Variants in TAFA2 observed in about 807,000 individuals in gnomAD.
TAFA2 encodes TAFA chemokine like family member 2, also known as chemokine-like protein TAFA-2.
Under a neutral mutation model 18.8 loss-of-function variants are expected in TAFA2, and 7 were observed. That is an observed-to-expected ratio of 0.37 (90% CI 0.21 to 0.70). TAFA2 has a LOEUF of 0.70. TAFA2 is among the 30% of genes least tolerant of loss of function. TAFA2 has a pLI of 0.53. For missense variants in TAFA2, 122 were observed against 158.1 expected, an observed-to-expected ratio of 0.77 and a Z score of 1.23; for synonymous variants, 60 against 54.2, an observed-to-expected ratio of 1.11 and a Z score of -0.47.
chr12:61,912,591 G>A (rs184584397), intron 1 of TAFA2, among the ~76,000 whole-genome samples: 28 of 152,082 alleles, frequency 1.8e-4, no homozygotes, highest in Non-Finnish European at 4.0e-4. Context: ...ATATTCATGA[G>A]AGAGAAGAAA....
intron 2 of TAFA2, among the ~76,000 whole-genome samples, chr12:61,819,603 C>G (rs1366960374): frequency 6.6e-6 from 1 of 152,066 alleles, no homozygotes; most frequent in Non-Finnish European, 1.5e-5. Context: ...TCCTCAGATT[C>G]TATATTATCT....
At chr12:61,868,924 A>C (rs879825007) in intron 1 of TAFA2, among the ~76,000 whole-genome samples, 2 of 152,100 alleles carry the variant, frequency 1.3e-5, no homozygotes, top group Admixed American at 6.6e-5. Context: ...TTCCTCTGCA[A>C]ATTTCTGGAT....
intron 1 of TAFA2, among the ~76,000 whole-genome samples, chr12:62,236,398 G>A (rs1565785744): frequency 6.6e-6 from 1 of 151,712 alleles, no homozygotes; most frequent in Non-Finnish European, 1.5e-5. Flanking sequence ...CCCAGTAGCT[G>A]GGACTACAGG....
intron 1 of TAFA2, among the ~76,000 whole-genome samples, chr12:62,078,557 C>T (rs1354942420): frequency 6.6e-6 from 1 of 152,160 alleles, no homozygotes; most frequent in East Asian, 1.9e-4. Context: ...TTTAACAGGC[C>T]AATGAGACAT....
intron 1 of TAFA2, among the ~76,000 whole-genome samples, chr12:62,120,099 A>G (rs1870128021): frequency 6.6e-6 from 1 of 152,088 alleles, no homozygotes. Flanking sequence ...AAAGTGTTTA[A>G]TTTCCAAACC....
At chr12:61,836,220 C>T (rs1872913371) in intron 2 of TAFA2, among the ~76,000 whole-genome samples, 1 of 151,794 alleles carries the variant, frequency 6.6e-6, no homozygotes, top group South Asian at 2.1e-4. Flanking sequence ...AAAACTGATG[C>T]TATTTGAATG....
chr12:62,214,663 G>A (rs1213421976), intron 1 of TAFA2, among the ~76,000 whole-genome samples: 1 of 152,106 alleles, frequency 6.6e-6, no homozygotes, highest in Admixed American at 6.5e-5. Flanking sequence ...TATGACTGGT[G>A]CCCTTGTGCC....
intron 2 of TAFA2, among the ~76,000 whole-genome samples, chr12:61,814,327 C>T (rs74095466): frequency 2.0e-5 from 3 of 151,254 alleles, no homozygotes; most frequent in African/African-American, 4.9e-5. Context: ...TGGGGCAAGA[C>T]GAAGTTGTGG....
At chr12:62,031,422 G>A (rs1360408614) in intron 1 of TAFA2, among the ~76,000 whole-genome samples, 1 of 152,026 alleles carries the variant, frequency 6.6e-6, no homozygotes, top group African/African-American at 2.4e-5. Context: ...TTGCTCCTCA[G>A]CCTGCAGACG....
At chr12:62,045,168 T>A (rs1055408464) in intron 1 of TAFA2, among the ~76,000 whole-genome samples, 1 of 152,186 alleles carries the variant, frequency 6.6e-6, no homozygotes, top group African/African-American at 2.4e-5. Flanking sequence ...TAAATAAGAA[T>A]GTACTTCCAA....
At chr12:61,776,554 G>A (rs992275276) in intron 2 of TAFA2, among the ~76,000 whole-genome samples, 1 of 151,842 alleles carries the variant, frequency 6.6e-6, no homozygotes, top group African/African-American at 2.4e-5. Context: ...AGACAGGCAT[G>A]AGAATGGGGA....
At chr12:61,932,586 CCCCCCT>C (rs894352600) in intron 1 of TAFA2, among the ~76,000 whole-genome samples, 2 of 151,946 alleles carry the variant, frequency 1.3e-5, no homozygotes, top group Non-Finnish European at 2.9e-5. Flanking sequence ...ATTACAGGCA[CCCCCCT>C]CCACCACGCC....
intron 4 of TAFA2, among the ~76,000 whole-genome samples, chr12:61,751,216 A>G (rs1868998516): frequency 6.6e-6 from 1 of 152,024 alleles, no homozygotes; most frequent in African/African-American, 2.4e-5. Context: ...GAGATGGCTG[A>G]GCAATAATAG....
At chr12:61,744,641 A>G (rs1395401304) in intron 4 of TAFA2, among the ~76,000 whole-genome samples, 1 of 151,950 alleles carries the variant, frequency 6.6e-6, no homozygotes, top group African/African-American at 2.4e-5. Flanking sequence ...TGCAGCCTCA[A>G]CCTCCTAGGA....
At chr12:61,884,186 G>C (rs193282829) in intron 1 of TAFA2, among the ~76,000 whole-genome samples, 1 of 152,234 alleles carries the variant, frequency 6.6e-6, no homozygotes, top group Admixed American at 6.5e-5. Flanking sequence ...ATTAAGCGGA[G>C]GAATAAGAGG....
At chr12:62,107,348 G>A (rs1869506877) in intron 1 of TAFA2, among the ~76,000 whole-genome samples, 1 of 151,996 alleles carries the variant, frequency 6.6e-6, no homozygotes, top group African/African-American at 2.4e-5. Context: ...CTACCAAAGG[G>A]AAGAGCAAAT....
At chr12:62,171,169 A>T (rs1234159804) in intron 1 of TAFA2, among the ~76,000 whole-genome samples, 1 of 152,064 alleles carries the variant, frequency 6.6e-6, no homozygotes, top group Non-Finnish European at 1.5e-5. Flanking sequence ...TATTATTAAC[A>T]TTTTATTCTT....
At chr12:61,969,527 T>C (rs1040903171) in intron 1 of TAFA2, among the ~76,000 whole-genome samples, 6 of 151,660 alleles carry the variant, frequency 4.0e-5, no homozygotes, top group Non-Finnish European at 8.9e-5. Flanking sequence ...TATTCCTCAT[T>C]GTGTAAGAGG....
At chr12:61,780,828 T>C (rs186805406) in intron 2 of TAFA2, among the ~76,000 whole-genome samples, 3 of 151,914 alleles carry the variant, frequency 2.0e-5, no homozygotes, top group African/African-American at 7.2e-5. Context: ...TCTTCACTTA[T>C]ATTGCAACGG....
Sources: allele counts gnomAD v4.1 joint callset (sites outside exome capture counted in the v4.1 genomes callset), GRCh38; gene constraint gnomAD v4.1.1; transcripts MANE v1.5; gene names NCBI Gene and HGNC (gene_info 2026-07-23, HGNC 2026-07-21).